Variants in TNIK observed in about 807,000 individuals in gnomAD.
TNIK encodes TRAF2 and NCK-interacting protein kinase.
TNIK carries 49 observed loss-of-function variants against 191.3 expected under a neutral mutation model. The observed-to-expected ratio is 0.26, with a 90% confidence interval of 0.20 to 0.32. TNIK has a LOEUF of 0.32. Ranked by LOEUF, TNIK falls within the 10% of genes least tolerant of loss-of-function variation. TNIK has a pLI of 1.00. For missense variants in TNIK, 1,155 were observed against 1,702.3 expected (o/e 0.68, Z 5.66); for synonymous variants, 594 against 600.9 (o/e 0.99, Z 0.17).
intron 19 of TNIK, 34 bp downstream of exon 19, chr3:171,110,680 A>G: frequency 6.5e-7 from 1 of 1,546,554 alleles, no homozygotes; most frequent in South Asian, 1.2e-5. Context: ...CCTCCCAGGC[A>G]GTATTGCCAG....
chr3:171,380,029 G>GCA (rs35890103), intron 1 of TNIK, among the ~76,000 whole-genome samples: 1,710 of 117,178 alleles, frequency 0.015, 19 homozygotes, highest in Middle Eastern at 0.056. Context: ...ACACACACGC[G>GCA]CACACACACA....
At chr3:171,365,218 A>G (rs1316490748) in intron 2 of TNIK, among the ~76,000 whole-genome samples, 1 of 93,426 alleles carries the variant, frequency 1.1e-5, no homozygotes, top group Non-Finnish European at 2.0e-5. Flanking sequence ...GTTTCGCTCT[A>G]CTTGCCCAAG....
chr3:171,313,015 C>T (rs942173025), intron 2 of TNIK, among the ~76,000 whole-genome samples: 7 of 151,772 alleles, frequency 4.6e-5, no homozygotes, highest in South Asian at 2.1e-4. Flanking sequence ...CAGGGTGCTA[C>T]GCCGAATAAG....
At chr3:171,311,232 AC>A (rs1753982822) in intron 2 of TNIK, among the ~76,000 whole-genome samples, 1 of 152,204 alleles carries the variant, frequency 6.6e-6, no homozygotes, top group Non-Finnish European at 1.5e-5. Context: ...CATGATGAGA[AC>A]CTTTTTCACT....
intron 1 of TNIK, among the ~76,000 whole-genome samples, chr3:171,452,977 G>A (rs769597711): frequency 5.9e-5 from 9 of 152,072 alleles, no homozygotes; most frequent in Non-Finnish European, 1.2e-4. Context: ...CATAAAAAGT[G>A]TCCCCAGGAG....
At chr3:171,315,783 T>C (rs1754534134) in intron 2 of TNIK, among the ~76,000 whole-genome samples, 1 of 152,184 alleles carries the variant, frequency 6.6e-6, no homozygotes, top group Non-Finnish European at 1.5e-5. Context: ...TGTCTGTGTC[T>C]GTCTTTTCTC....
chr3:171,130,358 C>A (rs1031037688), intron 15 of TNIK, among the ~76,000 whole-genome samples: 5 of 152,182 alleles, frequency 3.3e-5, no homozygotes, highest in African/African-American at 1.2e-4. Context: ...TCTTCCCCCA[C>A]CATGGCTGTG....
rs932772888 is a variant in TNIK at position 171,134,866 on chromosome 3, G to T, written c.1608+3325C>A. ...TTGCTGATAAAGGACTATCGATTTG[G>T]AATGAGGAAGAGGAGAAGTAGATGG... On this transcript the variant is annotated intron_variant, in intron 15 of 32. Transcript: ENST00000436636. 3.9e-5 allele frequency among the ~76,000 whole-genome samples: 6 copies of T among 152,274 alleles called. No homozygotes were observed. The East Asian group carries it at 1.2e-3, about 29-fold the overall frequency.
intron 12 of TNIK, among the ~76,000 whole-genome samples, chr3:171,151,048 G>A (rs73882618): frequency 0.022 from 3,284 of 152,288 alleles, 127 homozygotes; most frequent in African/African-American, 0.075. Context: ...GTTAGGCATT[G>A]TGCCAAGTCC....
At chr3:171,337,838 C>G (rs1382637257) in intron 2 of TNIK, among the ~76,000 whole-genome samples, 1 of 152,112 alleles carries the variant, frequency 6.6e-6, no homozygotes, top group Non-Finnish European at 1.5e-5. Flanking sequence ...TAGACTTTGC[C>G]CAGAGGGAGA....
intron 1 of TNIK, among the ~76,000 whole-genome samples, chr3:171,385,924 A>AT (rs1718668641): frequency 6.6e-6 from 1 of 152,126 alleles, no homozygotes; most frequent in Admixed American, 6.5e-5. Flanking sequence ...TAAGCCAGTC[A>AT]TTTTTTTGAA....
intron 2 of TNIK, among the ~76,000 whole-genome samples, chr3:171,346,218 A>G (rs574073178): frequency 3.9e-5 from 6 of 152,274 alleles, no homozygotes; most frequent in Admixed American, 3.9e-4. Context: ...TAATTACTCT[A>G]AAAGCTTAAC....
intron 2 of TNIK, among the ~76,000 whole-genome samples, chr3:171,343,485 G>A (rs547270893): frequency 2.0e-5 from 3 of 152,330 alleles, no homozygotes; most frequent in African/African-American, 7.2e-5. Context: ...TCTGGCACCA[G>A]TAATTAAATG....
At chr3:171,111,799 TG>T (rs1725891593) in intron 18 of TNIK, among the ~76,000 whole-genome samples, 1 of 152,092 alleles carries the variant, frequency 6.6e-6, no homozygotes, top group South Asian at 2.1e-4. Context: ...ATAAAGAAAA[TG>T]TGATATATCT....
chr3:171,436,910 G>A (rs757904813), intron 1 of TNIK, among the ~76,000 whole-genome samples: 1 of 152,148 alleles, frequency 6.6e-6, no homozygotes, highest in Non-Finnish European at 1.5e-5. Context: ...CAGAGCCAGT[G>A]CATTTGCCCC....
At chr3:171,081,892 C>T (rs1180926017) in intron 27 of TNIK, among the ~76,000 whole-genome samples, 3 of 152,068 alleles carry the variant, frequency 2.0e-5, no homozygotes, top group Admixed American at 6.6e-5. Context: ...TACTAAATGT[C>T]CCTCTAGGAA....
intron 22 of TNIK, among the ~76,000 whole-genome samples, chr3:171,094,931 C>G (rs1722525724): frequency 6.6e-6 from 1 of 152,086 alleles, no homozygotes; most frequent in Non-Finnish European, 1.5e-5. Context: ...ACCCAGTACC[C>G]AGCCTAGAGT....
At chr3:171,391,280 G>T (rs1407923919) in intron 1 of TNIK, among the ~76,000 whole-genome samples, 1 of 152,158 alleles carries the variant, frequency 6.6e-6, no homozygotes, top group East Asian at 1.9e-4. Context: ...GTACCGAAGG[G>T]GATCAATGTT....
At chr3:171,334,415 G>GGGCA (rs1756742516) in intron 2 of TNIK, among the ~76,000 whole-genome samples, 1 of 152,140 alleles carries the variant, frequency 6.6e-6, no homozygotes, top group Admixed American at 6.5e-5. Context: ...AGAGAAGAGA[G>GGGCA]GGCAGCACAG....
Sources: gnomAD v4.1 joint callset for allele counts (sites outside exome capture counted in the v4.1 genomes callset) on GRCh38, gnomAD v4.1.1 for gene constraint, MANE v1.5 for transcripts, NCBI Gene and HGNC (gene_info 2026-07-23, HGNC 2026-07-21) for gene names.